ANK3: variants seen among roughly 807,000 people sequenced by gnomAD.
The protein encoded by ANK3 is ankyrin 3, also known as ankyrin-3.
In ANK3, 57 loss-of-function variants were observed where a neutral mutation model predicts 370.9. The ratio of observed to expected loss-of-function variants is 0.15; its 90% CI spans 0.12 to 0.19. The LOEUF is 0.19. Among genes scored for constraint, ANK3 ranks in the 10% least tolerant of loss-of-function variants. The probability of loss-of-function intolerance (pLI) is 1.00; values close to 1 mark genes in which losing one functional copy is unlikely to be tolerated. For missense variants in ANK3, 4,439 were observed against 5,302.1 expected (o/e 0.84, Z 5.06); for synonymous variants, 1,929 against 1,946.3 (o/e 0.99, Z 0.23).
At chr10:60,379,758 C>G (rs1444141102) in intron 1 of ANK3, among the ~76,000 whole-genome samples, 1 of 151,974 alleles carries the variant, frequency 6.6e-6, no homozygotes, top group Non-Finnish European at 1.5e-5. Flanking sequence ...TTAAAGGATA[C>G]AAAATTACAG....
rs772203296 is a variant in ANK3, at chr10:60,389,419, A to G, written c.114+6T>C. 1 of 1,613,302 alleles carries G rather than the reference A, an allele frequency of 6.2e-7. No homozygotes were observed. On this transcript the variant is annotated splice_donor_region_variant and intron_variant, in intron 1 of 43. Coordinates refer to ENST00000280772, the MANE Select transcript of ANK3 (RefSeq NM_020987.5). ...GCAAGATATATGCTCTGGCATACAT[A>G]GATACCTTTTTCTTCCGATCCCGGG...
chr10:60,511,497 T>C (rs1050511099), intron 2 of ANK3, among the ~76,000 whole-genome samples: 1 of 152,134 alleles, frequency 6.6e-6, no homozygotes, highest in African/African-American at 2.4e-5. Context: ...CTGAATTACA[T>C]AATAAAAGCT....
chr10:60,716,043 C>G (rs2079782828), intron 1 of ANK3, among the ~76,000 whole-genome samples: 1 of 152,140 alleles, frequency 6.6e-6, no homozygotes. Flanking sequence ...TACACTATTG[C>G]TACATGTGAT....
chr10:60,042,804 T>G, intron 42 of ANK3, 45 bp from the exon 43 acceptor site: 1 of 1,503,074 alleles, frequency 6.7e-7, no homozygotes, highest in Non-Finnish European at 8.8e-7. Context: ...TGAAACAGTG[T>G]TAGTTATAAA....
chr10:60,652,433 T>A (rs1298134313), intron 1 of ANK3, among the ~76,000 whole-genome samples: 1 of 151,214 alleles, frequency 6.6e-6, no homozygotes, highest in Non-Finnish European at 1.5e-5. Flanking sequence ...ACTACACTAA[T>A]GAAATTAAAA....
chr10:60,194,682 T>C (rs1358074802), intron 16 of ANK3, among the ~76,000 whole-genome samples: 8 of 152,236 alleles, frequency 5.3e-5, no homozygotes, highest in Non-Finnish European at 1.2e-4. Flanking sequence ...TTTCCACCTT[T>C]TGGCTGTCAT....
At chr10:60,331,580 A>C (rs556196202) in intron 1 of ANK3, among the ~76,000 whole-genome samples, 31 of 151,902 alleles carry the variant, frequency 2.0e-4, no homozygotes, top group African/African-American at 6.0e-4. Context: ...TTAAAAAAAA[A>C]AAAAAAACAA....
chr10:60,606,417 C>T (rs1477716662), intron 2 of ANK3, among the ~76,000 whole-genome samples: 1 of 151,860 alleles, frequency 6.6e-6, no homozygotes, highest in Non-Finnish European at 1.5e-5. Context: ...GAAAAGTCTT[C>T]CCTCATTTGG....
chr10:60,083,647 A>AT, intron 32 of ANK3, 30 bp from the exon 33 acceptor site: 1 of 1,527,404 alleles, frequency 6.5e-7, no homozygotes, highest in South Asian at 1.2e-5. Context: ...AAACAATTTA[A>AT]TGTTAATCTG....
chr10:60,615,234 TAAAG>T, intron 1 of ANK3: 1 of 1,513,554 alleles, frequency 6.6e-7, no homozygotes, highest in Non-Finnish European at 8.8e-7. Flanking sequence ...CCTAAAAAAG[TAAAG>T]AAACAAACAT....
intron 2 of ANK3, among the ~76,000 whole-genome samples, chr10:60,474,517 C>T (rs1038339041): frequency 4.6e-5 from 7 of 152,224 alleles, no homozygotes; most frequent in Middle Eastern, 3.4e-3. Flanking sequence ...ACAAATTTCC[C>T]AGCTTATATT....
intron 2 of ANK3, among the ~76,000 whole-genome samples, chr10:60,553,692 A>G (rs1159224939): frequency 6.6e-6 from 1 of 152,214 alleles, no homozygotes; most frequent in Non-Finnish European, 1.5e-5. Context: ...GGTGCAGGTG[A>G]AAACTGAAAT....
At chr10:60,213,336 T>A in intron 9 of ANK3, 76 bp downstream of exon 9, 1 of 967,256 alleles carries the variant, frequency 1.0e-6, no homozygotes, top group South Asian at 1.5e-5. Context: ...TCATTTTCTA[T>A]GTGATTCAAA....
intron 1 of ANK3, among the ~76,000 whole-genome samples, chr10:60,353,597 A>G (rs962108731): frequency 6.6e-6 from 1 of 152,002 alleles, no homozygotes; most frequent in African/African-American, 2.4e-5. Flanking sequence ...TGTAGTTAAG[A>G]CCTTTGGCCC....
At chr10:60,321,533 C>G (rs1432811415) in intron 1 of ANK3, among the ~76,000 whole-genome samples, 2 of 152,324 alleles carry the variant, frequency 1.3e-5, no homozygotes, top group Middle Eastern at 6.8e-3. Context: ...GTATCTTCCA[C>G]TAACTCAGGG....
In ANK3 at chr10:60,579,936, C is replaced by T. The variant is rs116739883; in HGVS notation, c.96+35250G>A. On this transcript the variant is annotated intron_variant, in intron 2 of 43. Transcript: ENST00000373827. Reference sequence around the variant, plus strand: ...AGAATCAGCAGTGAAAATGACATTCCTCTGGAGTTTACCATTCATTATCAA... The same window carrying T: ...AGAATCAGCAGTGAAAATGACATTCTTCTGGAGTTTACCATTCATTATCAA... Among the ~76,000 whole-genome samples, 686 of 152,172 alleles carry T rather than the reference C, an allele frequency of 4.5e-3. 6 individuals carry two copies. Among genetic ancestry groups the T allele is most frequent in the African/African-American group, 0.016 (647 of 41,510 alleles).
Position 60,092,047 on chromosome 10 carries a change from A to G in ANK3, c.3329-3689T>C, listed in dbSNP as rs559985271. On this transcript the variant is annotated intron_variant, in intron 28 of 43. Transcript: ENST00000280772. ...CCAGGCTACGTTTGTATATTTTTAT[A>G]AGAAATATGTAGAAGAAACATTCTA... Among the ~76,000 whole-genome samples the G allele has an allele frequency of 1.0e-3, 154 of 152,308 alleles. 1 individual carries two copies. Among genetic ancestry groups the G allele is most frequent in the Non-Finnish European group, 1.8e-3 (125 of 68,028 alleles).
rs1055922584 is a variant in ANK3 at position 60,247,916 on chromosome 10, C to T, written c.799-13130G>A. ...TCTTGACCTCAGATGATGTGCCTGC[C>T]TCAGCCTCCCAAAGTGCTGGGATTA... On this transcript the variant is annotated intron_variant, in intron 7 of 43. Coordinates refer to ENST00000280772, the MANE Select transcript of ANK3 (RefSeq NM_020987.5). Among the ~76,000 whole-genome samples, 5 of 152,096 alleles carry T rather than the reference C, an allele frequency of 3.3e-5. No individual in the cohort carries two copies. In the East Asian group the frequency reaches 7.7e-4, roughly 23 times the overall value.
intron 2 of ANK3, among the ~76,000 whole-genome samples, chr10:60,544,734 G>A (rs540917338): frequency 5.9e-5 from 9 of 152,154 alleles, no homozygotes; most frequent in Middle Eastern, 6.8e-3. Context: ...AGGCTGTCTT[G>A]ATCATTTTGT....
Sources: gnomAD v4.1 joint callset for allele counts (sites outside exome capture counted in the v4.1 genomes callset) on GRCh38, gnomAD v4.1.1 for gene constraint, MANE v1.5 for transcripts, NCBI Gene and HGNC (gene_info 2026-07-23, HGNC 2026-07-21) for gene names.